ZBTB20: variants seen among roughly 807,000 people sequenced by gnomAD.
The protein encoded by ZBTB20 is zinc finger and BTB domain containing 20, also known as zinc finger and BTB domain-containing protein 20.
Under a neutral mutation model 56.9 loss-of-function variants are expected in ZBTB20, and 9 were observed. The observed-to-expected ratio is 0.16, with a 90% CI of 0.10 to 0.28. The LOEUF (loss-of-function observed/expected upper bound fraction) is 0.28. ZBTB20 is among the 10% of genes least tolerant of loss of function. The probability of loss-of-function intolerance (pLI) is 1.00; values close to 1 mark genes in which losing one functional copy is unlikely to be tolerated. For synonymous variants in ZBTB20, 417 were observed against 420.7 expected, an observed-to-expected ratio of 0.99 and a Z score of 0.11; for missense variants, 655 against 1,003.0, an observed-to-expected ratio of 0.65 and a Z score of 4.69.
In ZBTB20 at chr3:115,003,671, AC is replaced by A. The variant is rs141291927; in HGVS notation, c.-506-29256del. ...ATAGTGAGCACGCCCCTACTAAAAA[AC>A]AAAACAAAACAAAACAACAACAAAA... On this transcript the variant is annotated intron_variant, in intron 2 of 11. Transcript: ENST00000675478. Among the ~76,000 whole-genome samples the A allele has an allele frequency of 2.6e-3, 392 of 151,728 alleles. 3 individuals are homozygous for A. Among genetic ancestry groups the A allele is most frequent in the Admixed American group, 6.1e-3 (92 of 15,174 alleles).
At chr3:114,712,976 C>T (rs906417990) in intron 5 of ZBTB20, among the ~76,000 whole-genome samples, 3 of 152,078 alleles carry the variant, frequency 2.0e-5, no homozygotes, top group Non-Finnish European at 4.4e-5. Flanking sequence ...TGGTTATCAG[C>T]TATTCCGATG....
chr3:114,362,805 T>C (rs769406322), intron 10 of ZBTB20, among the ~76,000 whole-genome samples: 3 of 152,190 alleles, frequency 2.0e-5, no homozygotes, highest in Admixed American at 6.5e-5. Flanking sequence ...GACCAATCTA[T>C]GATGTGATAG....
At chr3:114,404,611 G>A (rs542536363) in intron 7 of ZBTB20, among the ~76,000 whole-genome samples, 2 of 152,218 alleles carry the variant, frequency 1.3e-5, no homozygotes, top group African/African-American at 4.8e-5. Flanking sequence ...TGGCTTTATA[G>A]TCTGGTGTAC....
chr3:114,623,405 A>C (rs1339919541), intron 6 of ZBTB20, among the ~76,000 whole-genome samples: 1 of 152,184 alleles, frequency 6.6e-6, no homozygotes, highest in Admixed American at 6.5e-5. Flanking sequence ...TACTGTGAGG[A>C]CAGTCATTTA....
Position 115,039,796 on chromosome 3 carries a change from G to A in ZBTB20, c.-507+31423C>T, listed in dbSNP as rs551822993. Among the ~76,000 whole-genome samples, 174 of 152,186 alleles carry A rather than the reference G, an allele frequency of 1.1e-3. 2 individuals are homozygous for A. The highest frequency in any genetic ancestry group is 3.4e-3 in the Middle Eastern group (1 of 294). On this transcript the variant is annotated intron_variant, in intron 2 of 11. Transcript: ENST00000675478. ...GTGGTAACCAAAGGTTGGGGCTTGC[G>A]TAGTGGGGAGAATGGGGACATGTTG... is the stretch of plus-strand genomic sequence containing the variant.
intron 2 of ZBTB20, among the ~76,000 whole-genome samples, chr3:115,070,142 T>C (rs993367442): frequency 1.3e-5 from 2 of 152,142 alleles, no homozygotes; most frequent in Admixed American, 6.6e-5. Context: ...TTAAAGGTAC[T>C]TGGAAAGCAA....
At chr3:114,423,945 G>A (rs907068873) in intron 7 of ZBTB20, among the ~76,000 whole-genome samples, 3 of 152,170 alleles carry the variant, frequency 2.0e-5, no homozygotes, top group Non-Finnish European at 4.4e-5. Context: ...CGGTCATAGG[G>A]AACCAACCTC....
chr3:114,364,936 G>A (rs1184171017), intron 10 of ZBTB20, among the ~76,000 whole-genome samples: 2 of 152,018 alleles, frequency 1.3e-5, no homozygotes, highest in African/African-American at 4.8e-5. Flanking sequence ...CTCTAGGCTC[G>A]GTGGCTAAAC....
chr3:114,855,338 G>A (rs572893501), intron 4 of ZBTB20, among the ~76,000 whole-genome samples: 1 of 152,272 alleles, frequency 6.6e-6, no homozygotes, highest in African/African-American at 2.4e-5. Flanking sequence ...ATGAAAACTT[G>A]TCAGATATAT....
At chr3:114,652,281 G>C (rs1192408515) in intron 6 of ZBTB20, among the ~76,000 whole-genome samples, 1 of 151,900 alleles carries the variant, frequency 6.6e-6, no homozygotes, top group Non-Finnish European at 1.5e-5. Flanking sequence ...GTATACTCTT[G>C]TGTCCTGGCT....
chr3:115,060,619 C>A (rs2081979390), intron 2 of ZBTB20, among the ~76,000 whole-genome samples: 1 of 152,048 alleles, frequency 6.6e-6, no homozygotes, highest in African/African-American at 2.4e-5. Context: ...CAGTAAATTG[C>A]TTTGTATTTA....
At chr3:115,122,841 A>T (rs771968910) in intron 1 of ZBTB20, among the ~76,000 whole-genome samples, 4 of 152,090 alleles carry the variant, frequency 2.6e-5, no homozygotes, top group Middle Eastern at 3.2e-3. Context: ...CTACATTGAC[A>T]TAGCTATATC....
At chr3:114,606,287 T>A (rs1405454729) in intron 6 of ZBTB20, among the ~76,000 whole-genome samples, 1 of 152,204 alleles carries the variant, frequency 6.6e-6, no homozygotes, top group Non-Finnish European at 1.5e-5. Context: ...TTTTCTACTT[T>A]TTTTCAAAGA....
chr3:114,707,328 C>T (rs1241776413), intron 5 of ZBTB20, among the ~76,000 whole-genome samples: 1 of 152,110 alleles, frequency 6.6e-6, no homozygotes, highest in African/African-American at 2.4e-5. Context: ...AAATCCTTTT[C>T]AGTTTAAGCA....
intron 11 of ZBTB20, among the ~76,000 whole-genome samples, chr3:114,341,204 A>G (rs2079734000): frequency 6.6e-6 from 1 of 152,202 alleles, no homozygotes; most frequent in South Asian, 2.1e-4. Context: ...GGGAAGCCTC[A>G]TTGCTAATAA....
At chr3:114,649,660 A>G (rs2060026600) in intron 6 of ZBTB20, among the ~76,000 whole-genome samples, 1 of 151,744 alleles carries the variant, frequency 6.6e-6, no homozygotes, top group Non-Finnish European at 1.5e-5. Context: ...CTATATATAG[A>G]AAAAAAACAA....
At chr3:114,864,772 A>G (rs1017672352) in intron 4 of ZBTB20, among the ~76,000 whole-genome samples, 3 of 152,122 alleles carry the variant, frequency 2.0e-5, no homozygotes, top group African/African-American at 7.2e-5. Context: ...GAAATTGAGA[A>G]GTATACAAAA....
At chr3:114,537,070 T>C (rs1295756142) in intron 6 of ZBTB20, among the ~76,000 whole-genome samples, 3 of 152,174 alleles carry the variant, frequency 2.0e-5, no homozygotes, top group South Asian at 2.1e-4. Context: ...ATTCAGGACA[T>C]AGTCATGGGC....
chr3:114,434,930 G>A (rs2090413091), intron 7 of ZBTB20, among the ~76,000 whole-genome samples: 1 of 152,162 alleles, frequency 6.6e-6, no homozygotes, highest in African/African-American at 2.4e-5. Flanking sequence ...TAGGACACAT[G>A]TGGAAGAGAG....
Sources: gnomAD v4.1 joint callset for allele counts (sites outside exome capture counted in the v4.1 genomes callset) on GRCh38, gnomAD v4.1.1 for gene constraint, MANE v1.5 for transcripts, NCBI Gene and HGNC (gene_info 2026-07-23, HGNC 2026-07-21) for gene names.